TRPM3: variants seen among roughly 807,000 people sequenced by gnomAD.
TRPM3 encodes transient receptor potential cation channel subfamily M member 3.
TRPM3 carries 77 observed loss-of-function variants against 181.2 expected under a neutral mutation model. That is an observed-to-expected ratio of 0.42 (90% CI 0.35 to 0.51). TRPM3 has a LOEUF of 0.51. Ranked by LOEUF, TRPM3 falls within the 20% of genes least tolerant of loss-of-function variation. TRPM3 has a pLI of 0.01. For missense variants in TRPM3, 1,759 were observed against 2,196.7 expected (o/e 0.80, Z 3.98); for synonymous variants, 745 against 796.4 (o/e 0.94, Z 1.09).
chr9:70,681,468 A>G (rs1268610532), intron 9 of TRPM3, 38 bp downstream of exon 9: 2 of 1,564,528 alleles, frequency 1.3e-6, no homozygotes, highest in African/African-American at 1.4e-5. Context: ...TAATTCGTTT[A>G]AATTATTTTC....
chr9:71,310,815 C>A (rs2087855222), intron 1 of TRPM3, among the ~76,000 whole-genome samples: 1 of 152,028 alleles, frequency 6.6e-6, no homozygotes, highest in African/African-American at 2.4e-5. Context: ...AAAATCTAGG[C>A]ACCAAAGAAA....
At chr9:71,244,854 C>T (rs185636928) in intron 1 of TRPM3, among the ~76,000 whole-genome samples, 227 of 152,146 alleles carry the variant, frequency 1.5e-3, no homozygotes, top group African/African-American at 4.2e-3. Flanking sequence ...TAGCACTATA[C>T]GGAATTTAGT....
At chr9:71,332,393 G>A (rs2090268888) in intron 1 of TRPM3, among the ~76,000 whole-genome samples, 1 of 151,150 alleles carries the variant, frequency 6.6e-6, no homozygotes, top group Admixed American at 6.6e-5. Flanking sequence ...GTGTGTGTGT[G>A]TGTGTGTGTG....
Position 70,952,698 on chromosome 9 carries a change from T to C in TRPM3, c.178-88187A>G, listed in dbSNP as rs1031059178. 6.6e-5 allele frequency among the ~76,000 whole-genome samples: 10 copies of C among 151,998 alleles called. 1 individual carries two copies. Among genetic ancestry groups the C allele is most frequent in the Non-Finnish European group, 5.9e-5 (4 of 68,000 alleles). ...AGACGGATTAACAGCTGAGCATGGGTGTTGGGAAAATGAGAGTTCATTGAG... is the reference window on the plus strand; with the variant it reads ...AGACGGATTAACAGCTGAGCATGGGCGTTGGGAAAATGAGAGTTCATTGAG... On this transcript the variant is annotated intron_variant, in intron 1 of 25. Coordinates refer to ENST00000677713, the MANE Select transcript of TRPM3 (RefSeq NM_001366145.2).
In TRPM3 at chr9:70,675,723, A is replaced by G. The variant is rs543344115; in HGVS notation, c.1345+5783T>C. ...TATTATTCATAGCTATGTGATTTCTATAGATACTTTGTATAGATATTACCT... is the reference window on the plus strand; with the variant it reads ...TATTATTCATAGCTATGTGATTTCTGTAGATACTTTGTATAGATATTACCT... On this transcript the variant is annotated intron_variant, in intron 9 of 25. Coordinates refer to ENST00000677713, the MANE Select transcript of TRPM3 (RefSeq NM_001366145.2). 1.6e-4 allele frequency among the ~76,000 whole-genome samples: 24 copies of G among 152,326 alleles called. 1 individual carries two copies. The South Asian group carries it at 4.8e-3, about 30-fold the overall frequency.
intron 1 of TRPM3, among the ~76,000 whole-genome samples, chr9:71,269,179 T>G (rs553424607): frequency 6.6e-6 from 1 of 152,302 alleles, no homozygotes; most frequent in South Asian, 2.1e-4. Flanking sequence ...AGCTGGTACA[T>G]TATACACAAG....
chr9:71,114,057 G>C (rs1227515350), intron 1 of TRPM3, among the ~76,000 whole-genome samples: 2 of 152,092 alleles, frequency 1.3e-5, no homozygotes, highest in East Asian at 3.9e-4. Context: ...CTTTCTTCAT[G>C]TAAGACAATT....
intron 8 of TRPM3, among the ~76,000 whole-genome samples, chr9:70,696,826 C>G (rs2070655709): frequency 6.6e-6 from 1 of 151,848 alleles, no homozygotes; most frequent in South Asian, 2.1e-4. Context: ...AAATCTAATC[C>G]CCCCAGACCC....
chr9:70,766,410 G>T (rs1391071469), intron 7 of TRPM3, among the ~76,000 whole-genome samples: 1 of 152,036 alleles, frequency 6.6e-6, no homozygotes, highest in Non-Finnish European at 1.5e-5. Context: ...CTAACCTTAG[G>T]TTAATGACTT....
intron 1 of TRPM3, among the ~76,000 whole-genome samples, chr9:71,054,962 ACAATGCCTGGCTG>A (rs1157733739): frequency 9.2e-5 from 14 of 152,266 alleles, no homozygotes; most frequent in African/African-American, 3.1e-4. Context: ...AGCCTTCTCC[ACAATGCCTGGCTG>A]CTAGGCAGCA....
intron 1 of TRPM3, among the ~76,000 whole-genome samples, chr9:71,087,153 T>A (rs1028814492): frequency 5.9e-5 from 9 of 152,106 alleles, no homozygotes; most frequent in Admixed American, 3.9e-4. Flanking sequence ...CAGCAAGAAC[T>A]TTTTAACCCA....
intron 1 of TRPM3, among the ~76,000 whole-genome samples, chr9:70,884,971 G>A (rs1274769100): frequency 6.6e-6 from 1 of 152,148 alleles, no homozygotes; most frequent in Non-Finnish European, 1.5e-5. Context: ...ACTGCTTTCT[G>A]AATGACACTG....
intron 1 of TRPM3, among the ~76,000 whole-genome samples, chr9:71,232,651 C>T (rs2081133953): frequency 6.6e-6 from 1 of 151,858 alleles, no homozygotes; most frequent in Non-Finnish European, 1.5e-5. Context: ...CAGGTGCATG[C>T]CACCACACCC....
chr9:70,581,534 C>G lies in TRPM3; in HGVS notation c.3223+9497G>C, dbSNP rs1458011128. 2.6e-5 allele frequency among the ~76,000 whole-genome samples: 4 copies of G among 152,224 alleles called. No homozygotes were observed. The East Asian group carries it at 7.7e-4, about 29-fold the overall frequency. On this transcript the variant is annotated intron_variant, in intron 22 of 25. Transcript: ENST00000677713. Reference sequence around the variant, plus strand: ...TGAGGAAAGGCAACTAATGTGTGAGCCTTGCTGGGATCATCTGCTAATAGT... The same window carrying G: ...TGAGGAAAGGCAACTAATGTGTGAGGCTTGCTGGGATCATCTGCTAATAGT...
At chr9:70,563,941 C>T (rs1412306892) in intron 22 of TRPM3, among the ~76,000 whole-genome samples, 1 of 152,168 alleles carries the variant, frequency 6.6e-6, no homozygotes, top group African/African-American at 2.4e-5. Flanking sequence ...CACTTACAGT[C>T]AGTCTTTATT....
chr9:70,842,693 T>C (rs1564545867), intron 5 of TRPM3, among the ~76,000 whole-genome samples: 1 of 152,146 alleles, frequency 6.6e-6, no homozygotes, highest in Non-Finnish European at 1.5e-5. Flanking sequence ...TTAATCTTAA[T>C]ATCACTATAC....
intron 9 of TRPM3, among the ~76,000 whole-genome samples, chr9:70,659,972 T>G (rs756748392): frequency 9.2e-5 from 14 of 152,204 alleles, no homozygotes; most frequent in Non-Finnish European, 1.8e-4. Flanking sequence ...TGTCTGTTGT[T>G]GTTTTTCTCC....
chr9:71,217,693 T>C (rs1478967431), intron 1 of TRPM3, among the ~76,000 whole-genome samples: 1 of 152,224 alleles, frequency 6.6e-6, no homozygotes, highest in East Asian at 1.9e-4. Flanking sequence ...TGAAGTCTGA[T>C]GCTCTGAGAC....
intron 21 of TRPM3, among the ~76,000 whole-genome samples, chr9:70,591,613 A>C (rs2058122112): frequency 6.6e-6 from 1 of 152,150 alleles, no homozygotes; most frequent in Non-Finnish European, 1.5e-5. Context: ...TTCTTAGAGA[A>C]ACTGGAATTG....
Sources: gnomAD v4.1 joint callset for allele counts (sites outside exome capture counted in the v4.1 genomes callset) on GRCh38, gnomAD v4.1.1 for gene constraint, MANE v1.5 for transcripts, NCBI Gene and HGNC (gene_info 2026-07-23, HGNC 2026-07-21) for gene names.